The following RNF13 variants were observed in gnomAD, a reference collection of about 807,000 sequenced individuals.
RNF13 encodes the protein E3 ubiquitin-protein ligase RNF13.
In RNF13, 19 loss-of-function variants were observed where a neutral mutation model predicts 37.7. That is an observed-to-expected ratio of 0.50 (90% CI 0.35 to 0.74). The LOEUF (loss-of-function observed/expected upper bound fraction) is 0.74, where lower values mean the gene tolerates loss of function less well. Ranked by LOEUF, RNF13 falls within the 30% of genes least tolerant of loss-of-function variation. The probability of loss-of-function intolerance (pLI) is 0.01; values close to 1 mark genes in which losing one functional copy is unlikely to be tolerated. For synonymous variants in RNF13, 144 were observed against 157.8 expected, an observed-to-expected ratio of 0.91 and a Z score of 0.65; for missense variants, 375 against 453.0, an observed-to-expected ratio of 0.83 and a Z score of 1.56.
chr3:149,938,709 A>C (rs1298682076), intron 8 of RNF13, among the ~76,000 whole-genome samples: 3 of 152,010 alleles, frequency 2.0e-5, no homozygotes, highest in African/African-American at 7.3e-5. Flanking sequence ...TTTCACATGT[A>C]TATTTTTGCC....
At chr3:149,856,300 A>T (rs972869357) in intron 3 of RNF13, among the ~76,000 whole-genome samples, 8 of 152,206 alleles carry the variant, frequency 5.3e-5, no homozygotes, top group African/African-American at 1.9e-4. Context: ...GCAAAGATTT[A>T]CATTTGTTTA....
At position 149,960,927 on chromosome 3, in the gene RNF13, T is replaced by G; in HGVS notation, c.969T>G (p.Phe323Leu). 6.2e-7 allele frequency: 1 copy of G among 1,614,222 alleles called. No individual in the cohort carries two copies. Among genetic ancestry groups the G allele is most frequent in the South Asian group, 1.1e-5 (1 of 91,084 alleles). ...RPLASVSAQSFGALSESRSHQ... is the reference protein window; with the variant it reads ...RPLASVSAQSLGALSESRSHQ... Reference sequence around the variant, plus strand: ...TAGCTTCTGTCAGTGCCCAGTCATTTGGGGCTTTATCGGAATCCCGCTCAC... The same window carrying G: ...TAGCTTCTGTCAGTGCCCAGTCATTGGGGGCTTTATCGGAATCCCGCTCAC... The change falls in exon 10 of 10, where the codon TTT becomes TTG. Residue 323 changes from phenylalanine to leucine, a missense_variant. Transcript: ENST00000392894.
At chr3:149,823,823 A>G (rs1329160131) in intron 1 of RNF13, among the ~76,000 whole-genome samples, 2 of 152,220 alleles carry the variant, frequency 1.3e-5, no homozygotes, top group African/African-American at 4.8e-5. Flanking sequence ...ATAAAATAAC[A>G]TGTTAAAATT....
chr3:149,890,709 T>TTTTTG (rs779329364), intron 4 of RNF13, among the ~76,000 whole-genome samples: 4 of 152,170 alleles, frequency 2.6e-5, no homozygotes, highest in Non-Finnish European at 4.4e-5. Flanking sequence ...GTCACTATGT[T>TTTTTG]TTTTGTTTTG....
In RNF13 at chr3:149,814,916, T is replaced by C. The variant is rs186024870; in HGVS notation, c.-17+1563T>C. 6.8e-3 allele frequency among the ~76,000 whole-genome samples: 1,041 copies of C among 152,084 alleles called. 9 individuals are homozygous for C. Among genetic ancestry groups the C allele is most frequent in the Non-Finnish European group, 7.4e-3 (500 of 67,988 alleles). Reference sequence around the variant, plus strand: ...CAGTTATTTTTCTCTATGTAGGGAATGAGAACTGTTTTATTAGTTTTTTTT... The same window carrying C: ...CAGTTATTTTTCTCTATGTAGGGAACGAGAACTGTTTTATTAGTTTTTTTT... On this transcript the variant is annotated intron_variant, in intron 1 of 9. Transcript: ENST00000392894.
intron 2 of RNF13, among the ~76,000 whole-genome samples, chr3:149,850,966 C>T (rs1723068263): frequency 6.6e-6 from 1 of 152,072 alleles, no homozygotes; most frequent in African/African-American, 2.4e-5. Flanking sequence ...AAGCAATTAC[C>T]ACATATACTT....
At chr3:149,915,865 T>C (rs914194935) in intron 7 of RNF13, among the ~76,000 whole-genome samples, 17 of 152,298 alleles carry the variant, frequency 1.1e-4, no homozygotes, top group African/African-American at 4.1e-4. Context: ...AGTTATTGTT[T>C]AATGGATACA....
At chr3:149,843,591 G>A (rs57309772) in intron 1 of RNF13, among the ~76,000 whole-genome samples, 4,545 of 152,272 alleles carry the variant, frequency 0.03, 81 homozygotes, top group South Asian at 0.037. Flanking sequence ...TGTCATATAC[G>A]AAGTAAAAGG....
chr3:149,899,038 C>T (rs1205953990), intron 5 of RNF13, among the ~76,000 whole-genome samples: 1 of 152,104 alleles, frequency 6.6e-6, no homozygotes, highest in Non-Finnish European at 1.5e-5. Context: ...CATAAAGCCA[C>T]AATGGCTAGA....
intron 1 of RNF13, among the ~76,000 whole-genome samples, chr3:149,837,276 G>A (rs1373441596): frequency 6.6e-6 from 1 of 152,158 alleles, no homozygotes. Flanking sequence ...GAGAAATAGT[G>A]TAATGAATCT....
intron 1 of RNF13, among the ~76,000 whole-genome samples, chr3:149,815,698 C>T (rs1719369567): frequency 1.3e-5 from 2 of 152,096 alleles, no homozygotes; most frequent in Non-Finnish European, 2.9e-5. Context: ...TTTTATGAAT[C>T]TTTTACATTA....
At chr3:149,952,084 G>C (rs1721399151) in intron 8 of RNF13, among the ~76,000 whole-genome samples, 1 of 152,050 alleles carries the variant, frequency 6.6e-6, no homozygotes, top group Admixed American at 6.6e-5. Context: ...CCATTTTTGA[G>C]ACAAACTAAT....
intron 1 of RNF13, among the ~76,000 whole-genome samples, chr3:149,825,958 C>G (rs1193720873): frequency 6.6e-6 from 1 of 152,164 alleles, no homozygotes; most frequent in Non-Finnish European, 1.5e-5. Context: ...CCCTACCCCT[C>G]TTTGTATCTT....
chr3:149,833,067 T>TAA (rs1460936288), intron 1 of RNF13, among the ~76,000 whole-genome samples: 3 of 147,420 alleles, frequency 2.0e-5, no homozygotes, highest in Non-Finnish European at 4.5e-5. Context: ...ACAAGGATAC[T>TAA]AAAAAAAGAA....
At chr3:149,936,627 C>G (rs1358722826) in intron 8 of RNF13, among the ~76,000 whole-genome samples, 3 of 151,948 alleles carry the variant, frequency 2.0e-5, no homozygotes, top group Non-Finnish European at 4.4e-5. Context: ...TTTTACTCTG[C>G]TATCTTGGAG....
intron 2 of RNF13, 61 bp downstream of exon 2, chr3:149,846,201 G>A (rs1722628194): frequency 5.5e-6 from 6 of 1,096,692 alleles, no homozygotes; most frequent in South Asian, 1.3e-5. Context: ...CTTAAAAAAA[G>A]CCTGGAATGA....
Position 149,887,362 on chromosome 3 carries a change from A to G in RNF13, c.322-8111A>G, listed in dbSNP as rs140531965. ...TCTAGACCAAACCGATACCTATAGAATGTTCCATCCAACAACAGATGTTGA... is the reference window on the plus strand; with the variant it reads ...TCTAGACCAAACCGATACCTATAGAGTGTTCCATCCAACAACAGATGTTGA... On this transcript the variant is annotated intron_variant, in intron 4 of 9. Coordinates refer to ENST00000392894, the MANE Select transcript of RNF13 (RefSeq NM_183381.3). 2.8e-3 allele frequency among the ~76,000 whole-genome samples: 432 copies of G among 152,352 alleles called. 2 individuals carry two copies. The highest frequency in any genetic ancestry group is 9.9e-3 in the African/African-American group (413 of 41,578).
intron 1 of RNF13, among the ~76,000 whole-genome samples, chr3:149,832,844 A>G (rs181254704): frequency 8.1e-4 from 124 of 152,306 alleles, no homozygotes; most frequent in Non-Finnish European, 1.5e-3. Flanking sequence ...AAAAATAGAA[A>G]GCTTGCACAG....
intron 2 of RNF13, among the ~76,000 whole-genome samples, chr3:149,850,894 A>G (rs1723062453): frequency 2.0e-5 from 3 of 152,222 alleles, no homozygotes; most frequent in Admixed American, 1.3e-4. Context: ...ACTCTGAAGT[A>G]CTTTGTAAAC....
Sources: allele counts gnomAD v4.1 joint callset (sites outside exome capture counted in the v4.1 genomes callset), GRCh38; gene constraint gnomAD v4.1.1; transcripts MANE v1.5; gene names NCBI Gene and HGNC (gene_info 2026-07-23, HGNC 2026-07-21).